The following BRIP1 variants were observed in gnomAD, a reference collection of about 807,000 sequenced individuals.
BRIP1 encodes BRCA1 interacting DNA helicase 1, also known as Fanconi anemia group J protein.
Under a neutral mutation model 119.7 loss-of-function variants are expected in BRIP1, and 88 were observed. The ratio of observed to expected loss-of-function variants is 0.74; its 90% CI spans 0.62 to 0.88. The LOEUF is 0.88. Among genes scored for constraint, BRIP1 ranks in the 40% least tolerant of loss-of-function variants. BRIP1 has a pLI of 0.00. For missense variants in BRIP1, 1,259 were observed against 1,455.4 expected, an observed-to-expected ratio of 0.87 and a Z score of 2.20; for synonymous variants, 443 against 496.5, an observed-to-expected ratio of 0.89 and a Z score of 1.43.
At chr17:61,854,397 A>G (rs2078864785) in intron 4 of BRIP1, among the ~76,000 whole-genome samples, 1 of 152,134 alleles carries the variant, frequency 6.6e-6, no homozygotes, top group Non-Finnish European at 1.5e-5. Context: ...CCACTTCATG[A>G]AACAGTTTAG....
intron 16 of BRIP1, among the ~76,000 whole-genome samples, chr17:61,737,687 C>T (rs911945884): frequency 3.3e-5 from 5 of 152,170 alleles, no homozygotes; most frequent in Non-Finnish European, 7.4e-5. Flanking sequence ...TAGGTATTGA[C>T]TGCTATATTC....
chr17:61,758,020 G>T lies in BRIP1; in HGVS notation c.2098-13429C>A, dbSNP rs2077223477. Among the ~76,000 whole-genome samples, 4 of 150,604 alleles carry T rather than the reference G, an allele frequency of 2.7e-5. No individual in the cohort carries two copies. The South Asian group carries it at 6.3e-4, about 24-fold the overall frequency. ...AAAAAAAAAAAGAGAAAAAAGAAAA[G>T]AAAACAATAAGAACTCAATACTATG... On this transcript the variant is annotated intron_variant, in intron 14 of 19. Coordinates refer to ENST00000259008, the MANE Select transcript of BRIP1 (RefSeq NM_032043.3). This position sits in a 1 kb window ranked among gnomAD's most constrained non-coding sequence, Gnocchi z 5.3.
rs1555609121 is a variant in BRIP1, at chr17:61,808,467, G to GT, written c.917dup (p.Asn306LysfsTer13). On this transcript the variant is annotated frameshift_variant and splice_region_variant, in exon 7 of 20. Transcript: ENST00000259008. LOFTEE classifies it high-confidence loss of function. This position sits in a 1 kb window ranked among gnomAD's most constrained non-coding sequence, Gnocchi z 4.1. ...TCTAACACAAAATAACTTTACTCAC[G>GT]TTTTTCCCATCTAGCAATTCCATGC... The GT allele has an allele frequency of 6.2e-7, 1 of 1,611,342 alleles. No homozygotes were observed. Among genetic ancestry groups the GT allele is most frequent in the South Asian group, 1.1e-5 (1 of 91,022 alleles).
intron 6 of BRIP1, among the ~76,000 whole-genome samples, chr17:61,812,314 T>A (rs2078175048): frequency 6.6e-6 from 1 of 152,210 alleles, no homozygotes; most frequent in South Asian, 2.1e-4. Flanking sequence ...AAGACTTTTT[T>A]ATTTTCCCTT....
Position 61,699,311 on chromosome 17 carries a change from TACTC to T in BRIP1, c.2493-5803_2493-5800del, listed in dbSNP as rs1167474488. Among the ~76,000 whole-genome samples, 2 of 152,220 alleles carry T rather than the reference TACTC, an allele frequency of 1.3e-5. No homozygotes were observed. Among genetic ancestry groups the T allele is most frequent in the Non-Finnish European group, 2.9e-5 (2 of 68,034 alleles). ...GGATTTACTCAGCTATTTTGTAAAA[TACTC>T]ACTTTGCTATTTGCTTTCTATATGC... On this transcript the variant is annotated intron_variant, in intron 17 of 19. Coordinates refer to ENST00000259008, the MANE Select transcript of BRIP1 (RefSeq NM_032043.3). This position sits in a 1 kb window ranked among gnomAD's most constrained non-coding sequence, Gnocchi z 4.8.
rs2076914654 is a variant in BRIP1 at position 61,736,107 on chromosome 17, C to G, written c.2379+6906G>C. ...TTGGGAGGCTGAGGTCTGAGCATCC[C>G]TTAAGGCCAGGAGTTCAAGGCCAGC... is the stretch of plus-strand genomic sequence containing the variant. On this transcript the variant is annotated intron_variant, in intron 16 of 19. Transcript: ENST00000259008. The surrounding 1 kb of genome is among the most constrained non-coding windows in gnomAD (Gnocchi z 4.4). Among the ~76,000 whole-genome samples the G allele has an allele frequency of 6.6e-6, 1 of 151,872 alleles. No individual in the cohort carries two copies. The highest frequency in any genetic ancestry group is 1.5e-5 in the Non-Finnish European group (1 of 67,978).
chr17:61,799,406 T>C lies in BRIP1; in HGVS notation c.1141-107A>G, dbSNP rs566225924. The C allele has an allele frequency of 3.8e-6, 3 of 787,018 alleles. No individual in the cohort carries two copies. The highest frequency in any genetic ancestry group is 2.5e-5 in the African/African-American group (1 of 40,246). The allele number at this position is 787,018 out of a possible 1,614,324, so 48.8% of individuals were successfully genotyped here. A position where few individuals can be genotyped will look rare whatever the true frequency, so the allele number is the denominator to read the frequency against. On this transcript the variant is annotated intron_variant, in intron 8 of 19. Transcript: ENST00000259008. The surrounding 1 kb of genome is among the most constrained non-coding windows in gnomAD (Gnocchi z 5.1). Reference sequence around the variant, plus strand: ...TCACACTATAGGCCAATATTGCAAATGCAATTACATAAGCAACAGAGATTC... The same window carrying C: ...TCACACTATAGGCCAATATTGCAAACGCAATTACATAAGCAACAGAGATTC...
In BRIP1 at chr17:61,744,168, CAA is replaced by C. The variant is rs1239225295; in HGVS notation, c.2257+262_2257+263del. On this transcript the variant is annotated intron_variant, in intron 15 of 19. Coordinates refer to ENST00000259008, the MANE Select transcript of BRIP1 (RefSeq NM_032043.3). This position sits in a 1 kb window ranked among gnomAD's most constrained non-coding sequence, Gnocchi z 5.0. ...TATATATCCTAACTGCCTTTTTGCA[CAA>C]ACTATTTCAGGTAGTGCACTGAAGA... 4.6e-5 allele frequency among the ~76,000 whole-genome samples: 7 copies of C among 152,092 alleles called. No individual in the cohort carries two copies. The highest frequency in any genetic ancestry group is 7.4e-5 in the Non-Finnish European group (5 of 68,022).
In BRIP1 at chr17:61,806,591, G is replaced by A. The variant is rs1454630564; in HGVS notation, c.918+1876C>T. On this transcript the variant is annotated intron_variant, in intron 7 of 19. Transcript: ENST00000259008. This position sits in a 1 kb window ranked among gnomAD's most constrained non-coding sequence, Gnocchi z 4.9. ...GTAAAGATCAATAAAAACGTAACCA[G>A]CACTGTAGGATTCTAGGTTACACAA... Among the ~76,000 whole-genome samples the A allele has an allele frequency of 6.6e-6, 1 of 152,134 alleles. No individual in the cohort carries two copies. The highest frequency in any genetic ancestry group is 1.5e-5 in the Non-Finnish European group (1 of 68,044).
intron 13 of BRIP1, among the ~76,000 whole-genome samples, chr17:61,777,924 G>A (rs1248070739): frequency 1.3e-5 from 2 of 152,078 alleles, no homozygotes; most frequent in Non-Finnish European, 2.9e-5. Context: ...CTCCTATCAT[G>A]TCTTGGTCTT....
intron 11 of BRIP1, among the ~76,000 whole-genome samples, chr17:61,782,487 C>T (rs2077639407): frequency 6.7e-6 from 1 of 150,268 alleles, no homozygotes; most frequent in African/African-American, 2.4e-5. Context: ...CAGGCAACAA[C>T]AAGAAAAGAG....
At chr17:61,784,183 C>T (rs2077665421) in intron 11 of BRIP1, 87 bp downstream of exon 11, 1 of 1,207,272 alleles carries the variant, frequency 8.3e-7, no homozygotes, top group African/African-American at 1.5e-5. Context: ...TATTTACTCA[C>T]CCAAAATAGG....
At chr17:61,833,756 C>T (rs1416474833) in intron 6 of BRIP1, among the ~76,000 whole-genome samples, 1 of 151,820 alleles carries the variant, frequency 6.6e-6, no homozygotes, top group Non-Finnish European at 1.5e-5. Context: ...TACCCCTAGG[C>T]AAATTTGCAG....
intron 11 of BRIP1, among the ~76,000 whole-genome samples, 176 bp from the exon 12 acceptor site, chr17:61,781,181 G>C (rs576008906): frequency 6.6e-6 from 1 of 152,104 alleles, no homozygotes; most frequent in African/African-American, 2.4e-5. Context: ...TATTAATAAA[G>C]CCATTAATCA....
At position 61,832,205 on chromosome 17, in the gene BRIP1, C is replaced by T. The variant is rs984216056; in HGVS notation, c.627+14896G>A. On this transcript the variant is annotated intron_variant, in intron 6 of 19. Coordinates refer to ENST00000259008, the MANE Select transcript of BRIP1 (RefSeq NM_032043.3). The surrounding 1 kb of genome is among the most constrained non-coding windows in gnomAD (Gnocchi z 5.5). ...TTTGCCAAAAAATAAGGAAGCGTTCCAAGAATGATTGATATATGTCAGAAA... is the reference window on the plus strand; with the variant it reads ...TTTGCCAAAAAATAAGGAAGCGTTCTAAGAATGATTGATATATGTCAGAAA... 6.6e-6 allele frequency among the ~76,000 whole-genome samples: 1 copy of T among 152,068 alleles called. No individual in the cohort carries two copies. Among genetic ancestry groups the T allele is most frequent in the Non-Finnish European group, 1.5e-5 (1 of 68,014 alleles).
chr17:61,854,771 G>C (rs995937789), intron 4 of BRIP1, among the ~76,000 whole-genome samples: 1 of 149,754 alleles, frequency 6.7e-6, no homozygotes, highest in Non-Finnish European at 1.5e-5. Context: ...TCTGCTCCTA[G>C]TATTCACCCA....
intron 11 of BRIP1, 39 bp downstream of exon 11, chr17:61,784,231 T>C (rs370027731): frequency 1.5e-5 from 23 of 1,585,222 alleles, no homozygotes; most frequent in Non-Finnish European, 2.0e-5. Context: ...AATTAGGCTA[T>C]TTTTAAAAGG....
In BRIP1 at chr17:61,753,801, C is replaced by A. The variant is rs2077165816; in HGVS notation, c.2098-9210G>T. Among the ~76,000 whole-genome samples, 1 of 151,920 alleles carries A rather than the reference C, an allele frequency of 6.6e-6. No individual in the cohort carries two copies. The highest frequency in any genetic ancestry group is 2.1e-4 in the South Asian group (1 of 4,808). ...CAACAACAACAACAACAACAAAAAACCAGAGAGGGTCTTGCTGTGTTGCCA... is the reference window on the plus strand; with the variant it reads ...CAACAACAACAACAACAACAAAAAAACAGAGAGGGTCTTGCTGTGTTGCCA... On this transcript the variant is annotated intron_variant, in intron 14 of 19. Transcript: ENST00000259008. The surrounding 1 kb of genome is among the most constrained non-coding windows in gnomAD (Gnocchi z 4.6).
At position 61,683,892 on chromosome 17, in the gene BRIP1, T is replaced by C. The variant is rs1285783476; in HGVS notation, c.3154A>G (p.Lys1052Glu). 6.2e-7 allele frequency: 1 copy of C among 1,614,116 alleles called. No individual in the cohort carries two copies. Among genetic ancestry groups the C allele is most frequent in the Non-Finnish European group, 8.5e-7 (1 of 1,180,044 alleles). The change falls in exon 20 of 20, where the codon AAA becomes GAA. Residue 1052 changes from lysine to glutamate, a missense_variant. Physicochemically the swap from Lys to Glu is moderately conservative, Grantham distance 56 (BLOSUM62 1). Transcript: ENST00000259008. This position sits in a 1 kb window ranked among gnomAD's most constrained non-coding sequence, Gnocchi z 4.7. ...ESKTVLPFTD[K>E]CESSNLTVNT... Reference sequence around the variant, plus strand: ...ACTGTCAGATTTGAGGATTCACATTTATCAGTGAAGGGCAAAACAGTTTTA... The same window carrying C: ...ACTGTCAGATTTGAGGATTCACATTCATCAGTGAAGGGCAAAACAGTTTTA...
Sources: gnomAD v4.1 joint callset for allele counts (sites outside exome capture counted in the v4.1 genomes callset) on GRCh38, gnomAD v4.1.1 for gene constraint, Gnocchi (gnomAD v3.1) non-coding constraint, MANE v1.5 for transcripts, NCBI Gene and HGNC (gene_info 2026-07-23, HGNC 2026-07-21) for gene names.